Variants in MAP3K3 observed in about 807,000 individuals in gnomAD.
MAP3K3 encodes mitogen-activated protein kinase kinase kinase 3, also known as MAP/ERK kinase kinase 3.
A neutral mutation model predicts 80.9 loss-of-function variants in MAP3K3; 12 were observed. The observed-to-expected ratio is 0.15, with a 90% CI of 0.10 to 0.24. MAP3K3 has a LOEUF of 0.24. Among genes scored for constraint, MAP3K3 ranks in the 10% least tolerant of loss-of-function variants. MAP3K3 has a pLI of 1.00. For synonymous variants in MAP3K3, 272 were observed against 307.1 expected, an observed-to-expected ratio of 0.89 and a Z score of 1.19; for missense variants, 596 against 834.7, an observed-to-expected ratio of 0.71 and a Z score of 3.52.
chr17:63,681,112 TAAAAAAA>T (rs76886126), intron 6 of MAP3K3, among the ~76,000 whole-genome samples: 3 of 130,498 alleles, frequency 2.3e-5, no homozygotes, highest in Admixed American at 7.8e-5. Context: ...TGTCTCAATT[TAAAAAAA>T]AAAAAAAAAA....
Position 63,686,808 on chromosome 17 carries a change from T to C in MAP3K3, c.710+1218T>C, listed in dbSNP as rs935086687. Among the ~76,000 whole-genome samples, 12 of 152,206 alleles carry C rather than the reference T, an allele frequency of 7.9e-5. 1 individual carries two copies. The highest frequency in any genetic ancestry group is 1.8e-4 in the Non-Finnish European group (12 of 68,030). On this transcript the variant is annotated intron_variant, in intron 8 of 15. Coordinates refer to ENST00000361733, the MANE Select transcript of MAP3K3 (RefSeq NM_002401.5). ...TCTCATTGTGAATGACCTGGACTTA[T>C]TTCCTTGAGGTCCAGCCTGACTTGG... is the stretch of plus-strand genomic sequence containing the variant.
chr17:63,635,191 T>C lies in MAP3K3; in HGVS notation c.126+2389T>C, dbSNP rs567834162. On this transcript the variant is annotated intron_variant, in intron 2 of 15. Transcript: ENST00000361733. ...TTGGACAGCATGACTTTATGCACTA[T>C]GTAAGGGACTGTTGATTTATTGGGC... Among the ~76,000 whole-genome samples the C allele has an allele frequency of 2.4e-4, 36 of 152,338 alleles. No individual in the cohort carries two copies. In the South Asian group the frequency reaches 5.2e-3, roughly 22 times the overall value.
intron 6 of MAP3K3, among the ~76,000 whole-genome samples, chr17:63,670,605 A>AG (rs200856290): frequency 0.17 from 21,891 of 128,634 alleles, 1,816 homozygotes; most frequent in Middle Eastern, 0.26. Context: ...AAAAAAAAAA[A>AG]AAAGAAAGAA....
At chr17:63,625,045 C>T (rs1265620062) in intron 1 of MAP3K3, among the ~76,000 whole-genome samples, 2 of 152,170 alleles carry the variant, frequency 1.3e-5, no homozygotes, top group Admixed American at 6.5e-5. Context: ...GAAACATAGA[C>T]TTCTTAGTAT....
chr17:63,647,012 T>G (rs769017181), intron 3 of MAP3K3, among the ~76,000 whole-genome samples: 23 of 152,196 alleles, frequency 1.5e-4, no homozygotes, highest in Non-Finnish European at 3.4e-4. Context: ...TCTTCCTACT[T>G]TAAGAGTCTC....
In MAP3K3 at chr17:63,695,150, G is replaced by C. The variant is rs370632620; in HGVS notation, c.*1373G>C. 1.8e-4 allele frequency: 27 copies of C among 151,316 alleles called. No individual in the cohort carries two copies. The highest frequency in any genetic ancestry group is 6.6e-4 in the African/African-American group (27 of 41,076). The allele number at this position is 151,316 out of a possible 1,614,324, so 9.4% of individuals were successfully genotyped here. A position where few individuals can be genotyped will look rare whatever the true frequency, so the allele number is the denominator to read the frequency against. On this transcript the variant is annotated 3_prime_UTR_variant, in exon 16 of 16. Transcript: ENST00000361733. This position sits in a 1 kb window ranked among gnomAD's most constrained non-coding sequence, Gnocchi z 4.1. The stretch of plus-strand genomic sequence containing the variant: ...GGCATCTCCAGGGAGCTGGGGATTA[G>C]TGCCAGGCAGCCCTGCCAGCCATGC...
At position 63,691,377 on chromosome 17, in the gene MAP3K3, T is replaced by C. The variant is rs914813689; in HGVS notation, c.1344+144T>C. The C allele has an allele frequency of 4.2e-6, 5 of 1,203,142 alleles. No individual in the cohort carries two copies. Among genetic ancestry groups the C allele is most frequent in the Non-Finnish European group, 5.9e-6 (5 of 849,062 alleles). 74.5% of individuals were successfully genotyped at this position (1,203,142 alleles called of 1,614,324 possible). ...CCAGAGGAGCAAAGTGAGGTGATGG[T>C]GGGACTTGGAGTCAGGAGGGCCCTG... On this transcript the variant is annotated intron_variant, in intron 13 of 15. Transcript: ENST00000361733. This position sits in a 1 kb window ranked among gnomAD's most constrained non-coding sequence, Gnocchi z 4.8.
chr17:63,651,198 T>A (rs2034648464), intron 3 of MAP3K3, among the ~76,000 whole-genome samples: 1 of 152,194 alleles, frequency 6.6e-6, no homozygotes, highest in East Asian at 1.9e-4. Flanking sequence ...TCAAACTTTT[T>A]ATTGGCCAAG....
chr17:63,626,827 T>C (rs578061528), intron 1 of MAP3K3, among the ~76,000 whole-genome samples: 1 of 152,284 alleles, frequency 6.6e-6, no homozygotes, highest in South Asian at 2.1e-4. Flanking sequence ...GGGTAGAACA[T>C]TGTCAAGATG....
chr17:63,690,703 G>C, intron 12 of MAP3K3: 1 of 451,484 alleles, frequency 2.2e-6, no homozygotes, highest in Non-Finnish European at 4.0e-6. Flanking sequence ...CCCTCCCCTA[G>C]ACAAGTATCT....
At chr17:63,646,580 T>TA (rs2034545272) in intron 3 of MAP3K3, among the ~76,000 whole-genome samples, 1 of 152,246 alleles carries the variant, frequency 6.6e-6, no homozygotes, top group Non-Finnish European at 1.5e-5. Flanking sequence ...TAAAAGACTT[T>TA]AGCTCCTTTG....
chr17:63,627,071 G>A (rs1230993687), intron 1 of MAP3K3, among the ~76,000 whole-genome samples: 1 of 152,194 alleles, frequency 6.6e-6, no homozygotes, highest in East Asian at 1.9e-4. Context: ...TAATAGCTCA[G>A]TCTGGAAGAG....
Position 63,691,951 on chromosome 17 carries a change from T to C in MAP3K3, c.1474+89T>C. On this transcript the variant is annotated intron_variant, in intron 14 of 15. Coordinates refer to ENST00000361733, the MANE Select transcript of MAP3K3 (RefSeq NM_002401.5). This position sits in a 1 kb window ranked among gnomAD's most constrained non-coding sequence, Gnocchi z 4.8. ...GCAGGGGCCAATCACTTAACCATTC[T>C]GAACTTTCTGAAAAGTGGGACCCCA... 2 of 1,433,814 alleles carry C rather than the reference T, an allele frequency of 1.4e-6. No individual in the cohort carries two copies. Among genetic ancestry groups the C allele is most frequent in the Admixed American group, 1.9e-5 (1 of 51,388 alleles). The allele number at this position is 1,433,814 out of a possible 1,614,324, so 88.8% of individuals were successfully genotyped here.
chr17:63,633,664 G>T (rs1156239155), intron 2 of MAP3K3, among the ~76,000 whole-genome samples: 2 of 152,094 alleles, frequency 1.3e-5, no homozygotes, highest in Admixed American at 6.5e-5. Flanking sequence ...GTGTGTCATT[G>T]ACAATCTTCT....
intron 6 of MAP3K3, among the ~76,000 whole-genome samples, chr17:63,670,586 CAAAAAAAAAA>C (rs756058538): frequency 1.0e-4 from 8 of 79,954 alleles, no homozygotes; most frequent in South Asian, 4.8e-4. Flanking sequence ...GACTCTGTCT[CAAAAAAAAAA>C]AAAAAAAAAA....
At chr17:63,685,750 G>T (rs2035435063) in intron 8 of MAP3K3, among the ~76,000 whole-genome samples, 160 bp downstream of exon 8, 1 of 152,144 alleles carries the variant, frequency 6.6e-6, no homozygotes, top group Admixed American at 6.5e-5. Context: ...TGTTATGATG[G>T]CATAATTAAA....
chr17:63,643,988 T>C (rs1255171186), intron 2 of MAP3K3, among the ~76,000 whole-genome samples: 1 of 152,206 alleles, frequency 6.6e-6, no homozygotes, highest in Non-Finnish European at 1.5e-5. Flanking sequence ...ACAAGCGATA[T>C]GACCTGACCT....
intron 1 of MAP3K3, 95 bp from the exon 2 acceptor site, chr17:63,632,586 G>A (rs2034239050): frequency 1.3e-5 from 19 of 1,430,658 alleles, no homozygotes; most frequent in Middle Eastern, 2.1e-4. Flanking sequence ...ATTTTACCTG[G>A]GCAGAACTCC....
chr17:63,648,141 C>T (rs1358091774), intron 3 of MAP3K3, among the ~76,000 whole-genome samples: 2 of 152,210 alleles, frequency 1.3e-5, no homozygotes, highest in East Asian at 3.9e-4. Flanking sequence ...CTAAAAATGC[C>T]TGTTATTCAA....
Sources: gnomAD v4.1 joint callset for allele counts (sites outside exome capture counted in the v4.1 genomes callset) on GRCh38, gnomAD v4.1.1 for gene constraint, Gnocchi (gnomAD v3.1) non-coding constraint, MANE v1.5 for transcripts, NCBI Gene and HGNC (gene_info 2026-07-23, HGNC 2026-07-21) for gene names.